Variants in CKMT1B observed in about 807,000 individuals in gnomAD.
The protein encoded by CKMT1B is creatine kinase, mitochondrial 1B, also known as creatine kinase U-type, mitochondrial.
A neutral mutation model predicts 21.8 loss-of-function variants in CKMT1B; 13 were observed. That is an observed-to-expected ratio of 0.60 (90% confidence interval 0.39 to 0.95). The LOEUF (loss-of-function observed/expected upper bound fraction) is 0.95, where lower values mean the gene tolerates loss of function less well. Ranked by LOEUF, CKMT1B falls within the 40% of genes least tolerant of loss-of-function variation. CKMT1B has a pLI of 0.00. For missense variants in CKMT1B, 157 were observed against 227.5 expected, an observed-to-expected ratio of 0.69 and a Z score of 1.99; for synonymous variants, 50 against 80.3, an observed-to-expected ratio of 0.62 and a Z score of 2.02.
intron 7 of CKMT1B, 139 bp from the exon 8 acceptor site, chr15:43,598,688 A>C: frequency 8.1e-7 from 1 of 1,231,736 alleles, no homozygotes; most frequent in Non-Finnish European, 1.1e-6. Context: ...GACCCTGTCT[A>C]AAAAAAATTA....
At chr15:43,596,990 A>T (rs28475234) in intron 6 of CKMT1B, among the ~76,000 whole-genome samples, 33,479 of 147,416 alleles carry the variant, frequency 0.23, 7,539 homozygotes, top group African/African-American at 0.53. Context: ...TTGTTAAAGT[A>T]TCGGGTCTAG....
At chr15:43,598,777 C>A (rs1253745608) in intron 7 of CKMT1B, 50 bp from the exon 8 acceptor site, 2 of 1,559,718 alleles carry the variant, frequency 1.3e-6, no homozygotes, top group East Asian at 2.3e-5. Context: ...TCAGGTAGGA[C>A]TAGTCTCTGC....
intron 6 of CKMT1B, 87 bp downstream of exon 6, chr15:43,596,618 C>A: frequency 1.3e-6 from 2 of 1,587,880 alleles, no homozygotes; most frequent in Non-Finnish European, 1.7e-6. Context: ...ATTTACCAAC[C>A]AACCCAGGAC....
chr15:43,597,699 T>G, intron 6 of CKMT1B: 1 of 1,017,986 alleles, frequency 9.8e-7, no homozygotes, highest in Non-Finnish European at 1.2e-6. Flanking sequence ...GCTTTTCTGC[T>G]CTGTTTTCAT....
chr15:43,596,348 C>A (rs1417158623), intron 5 of CKMT1B, 56 bp downstream of exon 5: 1 of 1,361,944 alleles, frequency 7.3e-7, no homozygotes, highest in East Asian at 2.5e-5. Context: ...TGCTTTTTTT[C>A]CCTCTATCTC....
chr15:43,598,692 A>C, intron 7 of CKMT1B, 135 bp from the exon 8 acceptor site: 1 of 1,325,890 alleles, frequency 7.5e-7, no homozygotes, highest in Non-Finnish European at 1.0e-6. Context: ...CTGTCTAAAA[A>C]AAATTAAAAA....
intron 6 of CKMT1B, 101 bp from the exon 7 acceptor site, chr15:43,598,092 T>G (rs2085604979): frequency 1.9e-6 from 3 of 1,544,398 alleles, no homozygotes; most frequent in Non-Finnish European, 2.6e-6. Context: ...AAGTTTCTGT[T>G]CTAGACATAT....
rs752731710 is a variant in CKMT1B at position 43,596,329 on chromosome 15, C to T, written c.752+37C>T. 4 of 1,162,858 alleles carry T rather than the reference C, an allele frequency of 3.4e-6. No individual in the cohort carries two copies. The Admixed American group carries it at 9.1e-5, about 26-fold the overall frequency. 72.0% of individuals were successfully genotyped at this position (1,162,858 alleles called of 1,614,324 possible). A position where few individuals can be genotyped will look rare whatever the true frequency, so the allele number is the denominator to read the frequency against. ...CTCATTACCTCTTTTGTCTTCATGC[C>T]CTCATAAATGCTTTTTTTCCCTCTA... On this transcript the variant is annotated intron_variant, in intron 5 of 8. Transcript: ENST00000441322.
Position 43,599,213 on chromosome 15 carries a change from G to T in CKMT1B, c.1194G>T (p.Arg398=). The change falls in exon 9 of 9, where the codon CGG becomes CGT. Residue 398 remains arginine, a synonymous_variant. Transcript: ENST00000441322. ...TAAACTATTTGATTGATTGTGAACG[G>T]CGTCTGGAGAGAGGCCAGGATATCC... The part of the protein sequence containing the change: ...DGVNYLIDCE[R]RLERGQDIRI... 6.2e-7 allele frequency: 1 copy of T among 1,613,698 alleles called. No individual in the cohort carries two copies. The highest frequency in any genetic ancestry group is 8.5e-7 in the Non-Finnish European group (1 of 1,179,866).
chr15:43,596,652 T>C lies in CKMT1B; in HGVS notation c.876+121T>C, dbSNP rs572277175. ...ACATGTCTTATAGTAAAAAGGACTA[T>C]CTAGGACTCACTCCAGGACTAAAGG... On this transcript the variant is annotated intron_variant, in intron 6 of 8. Transcript: ENST00000441322. 295 of 1,493,592 alleles carry C rather than the reference T, an allele frequency of 2.0e-4. 39 individuals carry two copies. The East Asian group carries it at 6.2e-3, about 31-fold the overall frequency. The allele number at this position is 1,493,592 out of a possible 1,614,324, so 92.5% of individuals were successfully genotyped here.
chr15:43,598,705 A>T, intron 7 of CKMT1B, 122 bp from the exon 8 acceptor site: 1 of 1,393,328 alleles, frequency 7.2e-7, no homozygotes, highest in South Asian at 1.6e-5. Flanking sequence ...ATTAAAAAAG[A>T]AAAAAGAAAA....
At position 43,598,202 on chromosome 15, in the gene CKMT1B, C is replaced by T. The variant is rs1274474836; in HGVS notation, c.886C>T (p.Leu296Phe). 1.9e-6 allele frequency: 3 copies of T among 1,608,382 alleles called. No individual in the cohort carries two copies. Among genetic ancestry groups the T allele is most frequent in the Non-Finnish European group, 2.5e-6 (3 of 1,179,668 alleles). The change falls in exon 7 of 9, where the codon CTT becomes TTT. Residue 296 changes from leucine (L) to phenylalanine (F), a missense_variant. Coordinates refer to ENST00000441322, the MANE Select transcript of CKMT1B (RefSeq NM_001375484.1). ...ACCTTTGTGGACTCAGGTGGAGAGACTTATCCAAGAACGTGGCTGGGAGTT... is the reference window on the plus strand; with the variant it reads ...ACCTTTGTGGACTCAGGTGGAGAGATTTATCCAAGAACGTGGCTGGGAGTT... ...FCRGLKEVER[L>F]IQERGWEFMW...
At chr15:43,598,792 A>G (rs1257599226) in intron 7 of CKMT1B, 35 bp from the exon 8 acceptor site, 1 of 1,585,368 alleles carries the variant, frequency 6.3e-7, no homozygotes, top group Non-Finnish European at 8.6e-7. Flanking sequence ...CTCTGCCTCT[A>G]TTGACCCTGC....
intron 6 of CKMT1B, 134 bp from the exon 7 acceptor site, chr15:43,598,059 A>T (rs1412802768): frequency 2.7e-6 from 4 of 1,478,820 alleles, no homozygotes; most frequent in Non-Finnish European, 3.6e-6. Context: ...TTAAAAAAAG[A>T]CCAATGTCAT....
chr15:43,595,926 G>A lies in CKMT1B; in HGVS notation c.515G>A (p.Gly172Glu). ...GTCAGAACTGGCCGAAGCATCCGAGGACTCAGTCTGCCTCCAGCTTGCACT... is the reference window on the plus strand; with the variant it reads ...GTCAGAACTGGCCGAAGCATCCGAGAACTCAGTCTGCCTCCAGCTTGCACT... Reference protein sequence around the residue: ...SRVRTGRSIRGLSLPPACTRA... With the variant: ...SRVRTGRSIRELSLPPACTRA... The change falls in exon 4 of 9, where the codon GGA becomes GAA. Residue 172 changes from glycine to glutamate, a missense_variant. Gly to Glu is a moderately conservative substitution (Grantham distance 98). Coordinates refer to ENST00000441322, the MANE Select transcript of CKMT1B (RefSeq NM_001375484.1). The A allele has an allele frequency of 8.1e-6, 1 of 122,836 alleles. No individual in the cohort carries two copies. The highest frequency in any genetic ancestry group is 1.3e-5 in the Non-Finnish European group (1 of 74,756). The allele number at this position is 122,836 out of a possible 1,614,324, so 7.6% of individuals were successfully genotyped here. A position where few individuals can be genotyped will look rare whatever the true frequency, so the allele number is the denominator to read the frequency against.
In CKMT1B at chr15:43,598,265, C is replaced by T. The variant is rs1222858515; in HGVS notation, c.949C>T (p.Pro317Ser). Residue 317 changes from proline to serine, a missense_variant, in exon 7 of 9, where the codon CCA becomes TCA. By Grantham distance (74) the Pro-to-Ser change is moderately conservative. Transcript: ENST00000441322. ...NERLGYILTC[P>S]SNLGTGLRAG... ...GCGTTTGGGATACATCTTGACCTGT[C>T]CATCTAACCTGGGCACTGGACTTCG... 3.1e-6 allele frequency: 5 copies of T among 1,607,364 alleles called. No individual in the cohort carries two copies. Among genetic ancestry groups the T allele is most frequent in the Admixed American group, 1.7e-5 (1 of 59,874 alleles).
chr15:43,597,434 A>G, intron 6 of CKMT1B: 2 of 1,195,572 alleles, frequency 1.7e-6, no homozygotes, highest in Non-Finnish European at 1.1e-6. Flanking sequence ...TAAGTGCTTA[A>G]TAAGTGTTAA....
intron 7 of CKMT1B, among the ~76,000 whole-genome samples, 189 bp downstream of exon 7, chr15:43,598,516 C>T (rs890960174): frequency 6.7e-6 from 1 of 148,702 alleles, no homozygotes; most frequent in African/African-American, 2.6e-5. Flanking sequence ...TACTTGAGCC[C>T]AGGAGTTCAA....
rs1465565550 is a variant in CKMT1B, at chr15:43,596,283, G to A, written c.743G>A (p.Arg248His). The A allele has an allele frequency of 9.3e-6, 7 of 750,950 alleles. No individual in the cohort carries two copies. Among genetic ancestry groups the A allele is most frequent in the Admixed American group, 3.0e-5 (1 of 33,276 alleles). 46.5% of individuals were successfully genotyped at this position (750,950 alleles called of 1,614,324 possible). ...ATGGCTCGAGACTGGCCAGATGCTC[G>A]TGGAATTTGGTATGAAGCTGCTCAT... ...AGMARDWPDA[R>H]GIWHNNEKSF... Residue 248 changes from arginine to histidine, a missense_variant, in exon 5 of 9, where the codon CGT becomes CAT. By Grantham distance (29) the Arg-to-His change is conservative (BLOSUM62 0). Coordinates refer to ENST00000441322, the MANE Select transcript of CKMT1B (RefSeq NM_001375484.1).
Sources: allele counts gnomAD v4.1 joint callset (sites outside exome capture counted in the v4.1 genomes callset), GRCh38; gene constraint gnomAD v4.1.1; transcripts MANE v1.5; gene names NCBI Gene and HGNC (gene_info 2026-07-23, HGNC 2026-07-21).